Variants in PCGF5 observed in about 807,000 individuals in gnomAD.
The protein encoded by PCGF5 is polycomb group RING finger protein 5.
PCGF5 carries 9 observed loss-of-function variants against 44.3 expected under a neutral mutation model. The observed-to-expected ratio is 0.20, with a 90% CI of 0.12 to 0.35. The LOEUF (loss-of-function observed/expected upper bound fraction) is 0.35. Among genes scored for constraint, PCGF5 ranks in the 10% least tolerant of loss-of-function variants. The pLI, the probability that PCGF5 is intolerant of heterozygous loss-of-function variation, is 1.00. For synonymous variants in PCGF5, 95 were observed against 102.5 expected (o/e 0.93, Z 0.44); for missense variants, 146 against 305.3 (o/e 0.48, Z 3.89).
At chr10:91,188,237 G>A (rs1261555987) in intron 1 of PCGF5, among the ~76,000 whole-genome samples, 1 of 152,216 alleles carries the variant, frequency 6.6e-6, no homozygotes, top group African/African-American at 2.4e-5. Context: ...CCATGCGCGA[G>A]CTGAAGCAGG....
At chr10:91,224,352 A>G (rs1026392751) in intron 2 of PCGF5, among the ~76,000 whole-genome samples, 1 of 152,166 alleles carries the variant, frequency 6.6e-6, no homozygotes, top group Non-Finnish European at 1.5e-5. Context: ...ATTTAACTTG[A>G]ACAGTTAATT....
intron 2 of PCGF5, among the ~76,000 whole-genome samples, chr10:91,227,092 T>C (rs1033518908): frequency 6.6e-6 from 1 of 152,176 alleles, no homozygotes; most frequent in African/African-American, 2.4e-5. Flanking sequence ...AATTATTTTA[T>C]TATTTAAACT....
At chr10:91,277,986 T>G (rs1409013742) in intron 9 of PCGF5, among the ~76,000 whole-genome samples, 2 of 152,174 alleles carry the variant, frequency 1.3e-5, no homozygotes, top group Non-Finnish European at 2.9e-5. Flanking sequence ...TTGCCTCTCC[T>G]AAGTGTTGTG....
At chr10:91,217,134 C>T (rs549800787), upstream of PCGF5, among the ~76,000 whole-genome samples, 107 of 152,058 alleles carry the variant, frequency 7.0e-4, no homozygotes, top group Admixed American at 2.4e-3. Flanking sequence ...CCTGGGTTCA[C>T]GCCATTCTCC....
At chr10:91,181,066 C>A (rs983372339) in intron 1 of PCGF5, among the ~76,000 whole-genome samples, 3 of 152,056 alleles carry the variant, frequency 2.0e-5, no homozygotes, top group Admixed American at 1.3e-4. Flanking sequence ...TTTCACCTCC[C>A]TAGTTAGCTG....
At chr10:91,207,812 T>A (rs989876238) in intron 1 of PCGF5, among the ~76,000 whole-genome samples, 3 of 152,182 alleles carry the variant, frequency 2.0e-5, no homozygotes, top group African/African-American at 7.2e-5. Flanking sequence ...ATAGTCAGGA[T>A]AGACATTTTG....
intron 1 of PCGF5, among the ~76,000 whole-genome samples, chr10:91,168,279 G>A (rs939685017): frequency 9.9e-5 from 15 of 152,130 alleles, no homozygotes; most frequent in African/African-American, 3.6e-4. Flanking sequence ...ATAGGAGGAG[G>A]TAGACAGGAT....
intron 3 of PCGF5, among the ~76,000 whole-genome samples, chr10:91,243,599 C>T (rs1223936059): frequency 6.6e-6 from 1 of 152,130 alleles, no homozygotes; most frequent in Non-Finnish European, 1.5e-5. Context: ...TGTATTTGTA[C>T]TCTCCAGTAT....
chr10:91,164,115 C>T lies in PCGF5; in HGVS notation c.-184+1034C>T, dbSNP rs187231698. Among the ~76,000 whole-genome samples, 3 of 151,794 alleles carry T rather than the reference C, an allele frequency of 2.0e-5. No homozygotes were observed. The East Asian group carries it at 6.0e-4, about 31-fold the overall frequency. On this transcript the variant is annotated intron_variant, in intron 1 of 9. Coordinates refer to the PCGF5 transcript ENST00000614189. ...GCCCCGATGATTCATGCGGGGTACA[C>T]ACACGCGCGCGTACTCGCTATGTAC...
chr10:91,192,999 A>G (rs927770209), intron 1 of PCGF5, among the ~76,000 whole-genome samples: 11 of 152,224 alleles, frequency 7.2e-5, no homozygotes, highest in Admixed American at 2.6e-4. Context: ...AATCTAATCA[A>G]TAAGCCCTTG....
At chr10:91,233,885 CAAAG>C (rs898979187) in intron 2 of PCGF5, among the ~76,000 whole-genome samples, 1 of 152,142 alleles carries the variant, frequency 6.6e-6, no homozygotes, top group Admixed American at 6.5e-5. Flanking sequence ...AAGATTTTAA[CAAAG>C]GAAGTCAGCC....
chr10:91,213,832 A>T (rs1344667912), intron 1 of PCGF5, among the ~76,000 whole-genome samples: 2 of 152,090 alleles, frequency 1.3e-5, no homozygotes, highest in Non-Finnish European at 2.9e-5. Flanking sequence ...ACTACATGTT[A>T]AACATTAAAC....
rs955943510 is a variant in PCGF5 at position 91,279,213 on chromosome 10, G to A, written c.*897G>A. 1.3e-5 allele frequency: 2 copies of A among 151,936 alleles called. No individual in the cohort carries two copies. Among genetic ancestry groups the A allele is most frequent in the African/African-American group, 2.4e-5 (1 of 41,368 alleles). The allele number at this position is 151,936 out of a possible 1,614,324, so 9.4% of individuals were successfully genotyped here. On this transcript the variant is annotated 3_prime_UTR_variant, in exon 10 of 10. Transcript: ENST00000336126. Reference sequence around the variant, plus strand: ...GTGCATTATTTCTCTTTTTAAGTTGGCCTTAGGTATATGTCATTGTGGCAT... The same window carrying A: ...GTGCATTATTTCTCTTTTTAAGTTGACCTTAGGTATATGTCATTGTGGCAT...
chr10:91,259,935 C>G, intron 6 of PCGF5, among the ~76,000 whole-genome samples: 1 of 151,656 alleles, frequency 6.6e-6, no homozygotes, highest in Non-Finnish European at 1.5e-5. Flanking sequence ...ACACCAAAAG[C>G]AATGGTAACA....
intron 9 of PCGF5, among the ~76,000 whole-genome samples, chr10:91,276,827 T>C (rs902108047): frequency 4.6e-5 from 7 of 152,134 alleles, no homozygotes; most frequent in Admixed American, 4.6e-4. Flanking sequence ...GTTAGTATAG[T>C]GAAGGGCAAG....
chr10:91,266,739 C>T (rs530566485), intron 8 of PCGF5, among the ~76,000 whole-genome samples: 2 of 152,266 alleles, frequency 1.3e-5, no homozygotes, highest in South Asian at 4.1e-4. Context: ...GTTGCTCAGA[C>T]CAAAATCCCT....
chr10:91,204,739 C>G (rs1360118822), intron 1 of PCGF5, among the ~76,000 whole-genome samples: 2 of 152,192 alleles, frequency 1.3e-5, no homozygotes, highest in African/African-American at 4.8e-5. Flanking sequence ...CTTTTTCTCT[C>G]TCTTCTTCAG....
intron 6 of PCGF5, among the ~76,000 whole-genome samples, chr10:91,260,016 G>C (rs893914035): frequency 6.6e-6 from 1 of 151,832 alleles, no homozygotes; most frequent in African/African-American, 2.4e-5. Flanking sequence ...ACTACCATCA[G>C]AGTGAACAGG....
intron 1 of PCGF5, among the ~76,000 whole-genome samples, chr10:91,209,024 T>C (rs988274206): frequency 1.3e-5 from 2 of 152,230 alleles, no homozygotes; most frequent in Non-Finnish European, 2.9e-5. Context: ...AGAAGTAATT[T>C]ATAGGCAGAT....
Sources: allele counts gnomAD v4.1 joint callset (sites outside exome capture counted in the v4.1 genomes callset), GRCh38; gene constraint gnomAD v4.1.1; transcripts MANE v1.5; gene names NCBI Gene and HGNC (gene_info 2026-07-23, HGNC 2026-07-21).